The following PTPRQ variants were observed in gnomAD, a reference collection of about 807,000 sequenced individuals.
The protein encoded by PTPRQ is phosphatidylinositol phosphatase PTPRQ.
Under a neutral mutation model 246.0 loss-of-function variants are expected in PTPRQ, and 199 were observed. The observed-to-expected ratio is 0.81, with a 90% CI of 0.72 to 0.91. PTPRQ has a LOEUF of 0.91. Ranked by LOEUF, PTPRQ falls within the 40% of genes least tolerant of loss-of-function variation. PTPRQ has a pLI of 0.00. For missense variants in PTPRQ, 2,624 were observed against 2,528.4 expected, an observed-to-expected ratio of 1.04 and a Z score of -0.81; for synonymous variants, 869 against 853.2, an observed-to-expected ratio of 1.02 and a Z score of -0.32.
intron 9 of PTPRQ, among the ~76,000 whole-genome samples, chr12:80,487,874 G>A (rs918043519): frequency 6.6e-6 from 1 of 152,076 alleles, no homozygotes; most frequent in African/African-American, 2.4e-5. Context: ...CTTTGGGTCA[G>A]ATGTCTAGGT....
At chr12:80,652,930 T>G (rs1333287786) in intron 38 of PTPRQ, 96 bp downstream of exon 38, 3 of 1,256,266 alleles carry the variant, frequency 2.4e-6, no homozygotes, top group South Asian at 5.2e-5. Flanking sequence ...TATTTTATAT[T>G]GTTTGAATTA....
intron 35 of PTPRQ, among the ~76,000 whole-genome samples, chr12:80,648,133 CAATT>C (rs1327977327): frequency 2.0e-5 from 3 of 151,820 alleles, no homozygotes; most frequent in African/African-American, 7.2e-5. Flanking sequence ...AAATATTCTT[CAATT>C]AAAGAATATA....
At chr12:80,604,522 CTAA>C (rs1898246935) in intron 26 of PTPRQ, among the ~76,000 whole-genome samples, 1 of 151,552 alleles carries the variant, frequency 6.6e-6, no homozygotes, top group African/African-American at 2.4e-5. Flanking sequence ...GATTGCATTT[CTAA>C]TAATAGATCA....
At chr12:80,510,671 A>G (rs749992168) in intron 17 of PTPRQ, among the ~76,000 whole-genome samples, 1 of 152,214 alleles carries the variant, frequency 6.6e-6, no homozygotes, top group African/African-American at 2.4e-5. Flanking sequence ...TGTGTTACGC[A>G]TAATTATACT....
intron 3 of PTPRQ, among the ~76,000 whole-genome samples, chr12:80,446,135 C>T (rs1409774190): frequency 6.6e-6 from 1 of 151,420 alleles, no homozygotes; most frequent in African/African-American, 2.4e-5. Context: ...CTTTATTCTC[C>T]AAATTCCTAG....
At chr12:80,570,024 A>G (rs1897098788) in intron 25 of PTPRQ, among the ~76,000 whole-genome samples, 1 of 152,160 alleles carries the variant, frequency 6.6e-6, no homozygotes, top group Non-Finnish European at 1.5e-5. Flanking sequence ...GCTATTGTGA[A>G]TAGTGCTGCA....
Position 80,542,832 on chromosome 12 carries a change from T to C in PTPRQ, c.3824T>C (p.Val1275Ala), listed in dbSNP as rs1265607942. 6.5e-7 allele frequency: 1 copy of C among 1,545,268 alleles called. No homozygotes were observed. Among genetic ancestry groups the C allele is most frequent in the Non-Finnish European group, 8.7e-7 (1 of 1,144,262 alleles). Residue 1275 changes from valine to alanine, a missense_variant, in exon 23 of 45, where the codon GTA becomes GCA. Transcript: ENST00000644991. ...CCTCTTCCAGGTGGTATTGTTAAAGTATATAGTTTTAAAATTCATGAACAT... is the reference window on the plus strand; with the variant it reads ...CCTCTTCCAGGTGGTATTGTTAAAGCATATAGTTTTAAAATTCATGAACAT... Reference protein sequence around the residue: ...PSPLPGGIVKVYSFKIHEHET... With the variant: ...PSPLPGGIVKAYSFKIHEHET...
chr12:80,677,353 TAAC>T (rs1274141715), intron 43 of PTPRQ, among the ~76,000 whole-genome samples: 2 of 152,230 alleles, frequency 1.3e-5, no homozygotes, highest in African/African-American at 4.8e-5. Flanking sequence ...TATTGCTTTA[TAAC>T]AACACTTCAA....
intron 6 of PTPRQ, among the ~76,000 whole-genome samples, chr12:80,461,739 T>C (rs1207397367): frequency 2.6e-5 from 4 of 151,416 alleles, no homozygotes; most frequent in Non-Finnish European, 4.4e-5. Context: ...TTTTTTCTGA[T>C]AAAATAGCTG....
At chr12:80,669,552 C>T in intron 41 of PTPRQ, 88 bp downstream of exon 41, 1 of 1,446,316 alleles carries the variant, frequency 6.9e-7, no homozygotes, top group Non-Finnish European at 9.1e-7. Flanking sequence ...TAGAACTATC[C>T]CTTTCAAGGA....
chr12:80,468,780 C>A lies in PTPRQ; in HGVS notation c.981C>A (p.Asp327Glu). 6.5e-7 allele frequency: 1 copy of A among 1,550,260 alleles called. No individual in the cohort carries two copies. The highest frequency in any genetic ancestry group is 8.7e-7 in the Non-Finnish European group (1 of 1,146,320). ...GAAAGTCCTTTTCAATTTTATGGGACCCACCAACTATAGTAACAGGGAAAT... is the reference window on the plus strand; with the variant it reads ...GAAAGTCCTTTTCAATTTTATGGGAACCACCAACTATAGTAACAGGGAAAT... ...ITGKSFSILW[D>E]PPTIVTGKFS... is the part of the protein sequence containing the mutation. Residue 327 changes from aspartate to glutamate, a missense_variant, in exon 7 of 45, where the codon GAC (aspartate) becomes GAA (glutamate). Coordinates refer to ENST00000644991, the MANE Select transcript of PTPRQ (RefSeq NM_001145026.2).
chr12:80,507,793 G>T (rs1895007482), intron 16 of PTPRQ, among the ~76,000 whole-genome samples: 1 of 151,724 alleles, frequency 6.6e-6, no homozygotes. Context: ...GATTCTCCTT[G>T]CTCTGAAAGT....
rs147614442 is a variant in PTPRQ, at chr12:80,521,998, G to A, written c.2678+11555G>A. Among the ~76,000 whole-genome samples, 885 of 152,308 alleles carry A rather than the reference G, an allele frequency of 5.8e-3. 10 individuals carry two copies. Among genetic ancestry groups the A allele is most frequent in the African/African-American group, 0.021 (859 of 41,556 alleles). ...TATTGATTCTTCCTACCATGAGCAT[G>A]GGATGTTCTTCCATTTGTTTGTATC... On this transcript the variant is annotated intron_variant, in intron 17 of 44. Coordinates refer to ENST00000644991, the MANE Select transcript of PTPRQ (RefSeq NM_001145026.2).
rs533189670 is a variant in PTPRQ at position 80,481,676 on chromosome 12, G to T, written c.1187-2757G>T. On this transcript the variant is annotated intron_variant, in intron 8 of 44. Transcript: ENST00000644991. ...TAATCTGATAAGCAACTTCAGCAAA[G>T]TCTCAGGATACAAAACCAATGTACA... Among the ~76,000 whole-genome samples, 438 of 152,166 alleles carry T rather than the reference G, an allele frequency of 2.9e-3. 5 individuals are homozygous for T. The highest frequency in any genetic ancestry group is 0.01 in the African/African-American group (430 of 41,486).
chr12:80,447,482 A>T (rs1442579119), intron 3 of PTPRQ, among the ~76,000 whole-genome samples: 1 of 151,964 alleles, frequency 6.6e-6, no homozygotes, highest in African/African-American at 2.4e-5. Context: ...CTAGTCCAAT[A>T]TCCAGAAGAG....
At chr12:80,667,207 G>A (rs2121275761) in intron 39 of PTPRQ, among the ~76,000 whole-genome samples, 1 of 151,932 alleles carries the variant, frequency 6.6e-6, no homozygotes, top group Non-Finnish European at 1.5e-5. Context: ...TAAGGTCGTT[G>A]GACTTGATTT....
intron 9 of PTPRQ, among the ~76,000 whole-genome samples, chr12:80,489,260 T>G (rs184110857): frequency 5.9e-5 from 9 of 152,160 alleles, no homozygotes; most frequent in South Asian, 2.1e-4. Flanking sequence ...CCAGTGGTTA[T>G]GAACATGAAC....
intron 33 of PTPRQ, among the ~76,000 whole-genome samples, chr12:80,630,799 C>T (rs1899401227): frequency 1.3e-5 from 2 of 152,178 alleles, no homozygotes; most frequent in African/African-American, 2.4e-5. Context: ...TCACTGCAAC[C>T]TCCACCTTCC....
At chr12:80,664,775 C>T (rs1401973257) in intron 39 of PTPRQ, among the ~76,000 whole-genome samples, 1 of 151,940 alleles carries the variant, frequency 6.6e-6, no homozygotes, top group Non-Finnish European at 1.5e-5. Context: ...AGAAAATTAG[C>T]CTTAAGTCTC....
Sources: gnomAD v4.1 joint callset for allele counts (sites outside exome capture counted in the v4.1 genomes callset) on GRCh38, gnomAD v4.1.1 for gene constraint, MANE v1.5 for transcripts, NCBI Gene and HGNC (gene_info 2026-07-23, HGNC 2026-07-21) for gene names.